The following CD274 variants were observed in gnomAD, a reference collection of about 807,000 sequenced individuals.
The protein encoded by CD274 is programmed cell death 1 ligand 1.
A neutral mutation model predicts 30.1 loss-of-function variants in CD274; 8 were observed. That is an observed-to-expected ratio of 0.27 (90% CI 0.16 to 0.48). The LOEUF is 0.48. Among genes scored for constraint, CD274 ranks in the 20% least tolerant of loss-of-function variants. The pLI, the probability that CD274 is intolerant of heterozygous loss-of-function variation, is 0.99. For synonymous variants in CD274, 152 were observed against 124.6 expected (o/e 1.22, Z -1.46); for missense variants, 353 against 346.6 (o/e 1.02, Z -0.15).
Position 5,468,576 on chromosome 9 carries a change from T to A in CD274, c.*714T>A, listed in dbSNP as rs1005021854. The A allele has an allele frequency of 4.3e-6, 1 of 232,946 alleles. No individual in the cohort carries two copies. The highest frequency in any genetic ancestry group is 2.2e-5 in the African/African-American group (1 of 45,340). 14.4% of individuals were successfully genotyped at this position (232,946 alleles called of 1,614,324 possible). A position where few individuals can be genotyped will look rare whatever the true frequency, so the allele number is the denominator to read the frequency against. Reference sequence around the variant, plus strand: ...TCACCTTTATTTAACCCATTAATACTCTGGTTGACCTAATCTTATTCTCAG... The same window carrying A: ...TCACCTTTATTTAACCCATTAATACACTGGTTGACCTAATCTTATTCTCAG... On this transcript the variant is annotated 3_prime_UTR_variant, in exon 7 of 7. Coordinates refer to ENST00000381577, the MANE Select transcript of CD274 (RefSeq NM_014143.4).
At chr9:5,451,487 T>C (rs1319112411) in intron 1 of CD274, among the ~76,000 whole-genome samples, 1 of 152,218 alleles carries the variant, frequency 6.6e-6, no homozygotes, top group Non-Finnish European at 1.5e-5. Context: ...TCAAAGAGCC[T>C]GAATATTTTA....
intron 4 of CD274, among the ~76,000 whole-genome samples, chr9:5,464,176 G>C (rs1464045603): frequency 6.6e-6 from 1 of 152,164 alleles, no homozygotes; most frequent in African/African-American, 2.4e-5. Context: ...CGAGTCCTCA[G>C]GTATTGAACT....
chr9:5,456,195 T>A, intron 2 of CD274, 30 bp downstream of exon 2: 8 of 1,449,832 alleles, frequency 5.5e-6, no homozygotes, highest in Non-Finnish European at 7.7e-6. Context: ...CATTAGGTTC[T>A]ATATTTTAAA....
chr9:5,466,879 G>C (rs2131233291), intron 6 of CD274, 50 bp downstream of exon 6: 1 of 1,352,948 alleles, frequency 7.4e-7, no homozygotes, highest in Non-Finnish European at 1.0e-6. Flanking sequence ...GAAACAAAAA[G>C]CTAAAGCAAT....
At chr9:5,459,964 G>T (rs765953081) in intron 3 of CD274, among the ~76,000 whole-genome samples, 9 of 151,470 alleles carry the variant, frequency 5.9e-5, no homozygotes, top group Non-Finnish European at 1.0e-4. Flanking sequence ...CTAGTATATT[G>T]TGTAGCATAT....
At position 5,465,622 on chromosome 9, in the gene CD274, T is replaced by C. The variant is rs1440079697; in HGVS notation, c.790+16T>C. 1.3e-5 allele frequency: 19 copies of C among 1,428,392 alleles called. No homozygotes were observed. The highest frequency in any genetic ancestry group is 1.9e-5 in the Non-Finnish European group (19 of 1,011,038). 88.5% of individuals were successfully genotyped at this position (1,428,392 alleles called of 1,614,324 possible). A position where few individuals can be genotyped will look rare whatever the true frequency, so the allele number is the denominator to read the frequency against. ...TTAAGAAAAGGTAGTATTTCCTTAA[T>C]TGCAGTGGTCTCCACTGGGGGTGAG... On this transcript the variant is annotated intron_variant, in intron 5 of 6. Coordinates refer to ENST00000381577, the MANE Select transcript of CD274 (RefSeq NM_014143.4).
At chr9:5,461,164 C>G (rs1349678323) in intron 3 of CD274, among the ~76,000 whole-genome samples, 2 of 152,056 alleles carry the variant, frequency 1.3e-5, no homozygotes, top group African/African-American at 4.8e-5. Flanking sequence ...TTATATAACA[C>G]TGCGAGGTCT....
chr9:5,470,072 G>A lies in CD274; in HGVS notation c.*2210G>A, dbSNP rs567126229. 15 of 232,930 alleles carry A rather than the reference G, an allele frequency of 6.4e-5. No homozygotes were observed. The highest frequency in any genetic ancestry group is 2.2e-4 in the Admixed American group (4 of 17,788). The allele number at this position is 232,930 out of a possible 1,614,324, so 14.4% of individuals were successfully genotyped here. On this transcript the variant is annotated 3_prime_UTR_variant, in exon 7 of 7. Coordinates refer to ENST00000381577, the MANE Select transcript of CD274 (RefSeq NM_014143.4). ...TCCTAAGAGGCTTCCTGGAGGTTTC[G>A]AGATTCAGATGCCCTGGGAGATCCC...
Position 5,467,825 on chromosome 9 carries a change from A to T in CD274, c.851-15A>T, listed in dbSNP as rs1819521911. On this transcript the variant is annotated splice_polypyrimidine_tract_variant and intron_variant, in intron 6 of 6. Coordinates refer to ENST00000381577, the MANE Select transcript of CD274 (RefSeq NM_014143.4). ...CCACTTCCCATGAAATTAATATACT[A>T]TTATCACTCTCCAGATACACATTTG... The T allele has an allele frequency of 1.9e-6, 3 of 1,600,618 alleles. No individual in the cohort carries two copies. Among genetic ancestry groups the T allele is most frequent in the Admixed American group, 1.7e-5 (1 of 59,944 alleles).
In CD274 at chr9:5,465,786, GA is replaced by G; in HGVS notation, c.790+181del. The G allele has an allele frequency of 8.1e-6, 4 of 492,350 alleles. No homozygotes were observed. The Admixed American group carries it at 1.5e-4, about 18-fold the overall frequency. 30.5% of individuals were successfully genotyped at this position (492,350 alleles called of 1,614,324 possible). The stretch of plus-strand genomic sequence containing the variant: ...TGGGTGAAGATGAAGCGTAAGGGGT[GA>G]GGGGCAGGAGAATGGGTATGGATGG... On this transcript the variant is annotated intron_variant, in intron 5 of 6. Transcript: ENST00000381577.
intron 3 of CD274, among the ~76,000 whole-genome samples, chr9:5,459,155 G>A (rs1177265928): frequency 6.6e-6 from 1 of 152,108 alleles, no homozygotes; most frequent in African/African-American, 2.4e-5. Context: ...GAAATCTTCC[G>A]GCACTGATGG....
chr9:5,457,067 C>T lies in CD274; in HGVS notation c.53-12C>T, dbSNP rs1819317025. 3.2e-6 allele frequency: 5 copies of T among 1,570,744 alleles called. No individual in the cohort carries two copies. The highest frequency in any genetic ancestry group is 1.7e-5 in the Admixed American group (1 of 57,228). ...TTTCCCTTTTCTGAAGATTGTCCTT[C>T]TTTCTTTTTAGCATTTACTGTCACG... is the stretch of plus-strand genomic sequence containing the variant. On this transcript the variant is annotated splice_polypyrimidine_tract_variant and intron_variant, in intron 2 of 6. Transcript: ENST00000381577.
At chr9:5,456,994 A>G in intron 2 of CD274, 85 bp from the exon 3 acceptor site, 2 of 858,794 alleles carry the variant, frequency 2.3e-6, no homozygotes, top group Admixed American at 4.5e-5. Flanking sequence ...CCGACCAGAT[A>G]AAGTGATTTA....
At chr9:5,460,126 A>C (rs999245940) in intron 3 of CD274, among the ~76,000 whole-genome samples, 1 of 152,166 alleles carries the variant, frequency 6.6e-6, no homozygotes, top group Non-Finnish European at 1.5e-5. Flanking sequence ...ACACAAAAAA[A>C]TATTTGTTGA....
chr9:5,467,978 G>A lies in CD274; in HGVS notation c.*116G>A. The A allele has an allele frequency of 1.2e-6, 1 of 854,964 alleles. No individual in the cohort carries two copies. Among genetic ancestry groups the A allele is most frequent in the Non-Finnish European group, 2.0e-6 (1 of 504,898 alleles). The allele number at this position is 854,964 out of a possible 1,614,324, so 53.0% of individuals were successfully genotyped here. On this transcript the variant is annotated 3_prime_UTR_variant, in exon 7 of 7. Transcript: ENST00000381577. ...GGGCCCGTGGGATGCAGGCAATGTG[G>A]GACTTAAAAGGCCCAAGCACTGAAA...
At chr9:5,453,129 G>C (rs1272210416) in intron 1 of CD274, among the ~76,000 whole-genome samples, 1 of 152,178 alleles carries the variant, frequency 6.6e-6, no homozygotes, top group East Asian at 1.9e-4. Flanking sequence ...TCACAGGCCT[G>C]AATGCCATCG....
rs146495642 is a variant in CD274 at position 5,462,929 on chromosome 9, G to A, written c.490G>A (p.Glu164Lys). ...TCQAEGYPKA[E>K]VIWTSSDHQV... is the part of the protein sequence containing the mutation. ...TCAGGCTGAGGGCTACCCCAAGGCC[G>A]AAGTCATCTGGACAAGCAGTGACCA... The change falls in exon 4 of 7, where the codon GAA (glutamate) becomes AAA (lysine). Residue 164 changes from glutamate to lysine, a missense_variant. Coordinates refer to ENST00000381577, the MANE Select transcript of CD274 (RefSeq NM_014143.4). The A allele has an allele frequency of 3.8e-4, 612 of 1,614,036 alleles. No homozygotes were observed. Among genetic ancestry groups the A allele is most frequent in the Admixed American group, 1.3e-3 (78 of 59,980 alleles).
At chr9:5,464,161 G>T (rs1819457438) in intron 4 of CD274, among the ~76,000 whole-genome samples, 1 of 152,094 alleles carries the variant, frequency 6.6e-6, no homozygotes, top group Admixed American at 6.6e-5. Flanking sequence ...GCTCTTACTG[G>T]GGTACGAGTC....
At chr9:5,455,867 A>G (rs1819292306) in intron 1 of CD274, among the ~76,000 whole-genome samples, 1 of 151,832 alleles carries the variant, frequency 6.6e-6, no homozygotes, top group South Asian at 2.1e-4. Context: ...TAACTATAAT[A>G]AATTTGAAAC....
Sources: allele counts gnomAD v4.1 joint callset (sites outside exome capture counted in the v4.1 genomes callset), GRCh38; gene constraint gnomAD v4.1.1; transcripts MANE v1.5; gene names NCBI Gene and HGNC (gene_info 2026-07-23, HGNC 2026-07-21).